The following PRKCI variants were observed in gnomAD, a reference collection of about 807,000 sequenced individuals.
The protein encoded by PRKCI is protein kinase C iota, also known as protein kinase C iota type.
A neutral mutation model predicts 84.0 loss-of-function variants in PRKCI; 43 were observed. That is an observed-to-expected ratio of 0.51 (90% confidence interval 0.40 to 0.66). PRKCI has a LOEUF of 0.66. Among genes scored for constraint, PRKCI ranks in the 30% least tolerant of loss-of-function variants. PRKCI has a pLI of 0.00. For synonymous variants in PRKCI, 216 were observed against 234.4 expected (o/e 0.92, Z 0.72); for missense variants, 459 against 745.6 (o/e 0.62, Z 4.48).
Position 170,280,348 on chromosome 3 carries a change from CAG to C in PRKCI, c.829_830del (p.Asp277SerfsTer14), listed in dbSNP as rs1734211777. The C allele has an allele frequency of 2.5e-6, 4 of 1,613,648 alleles. No homozygotes were observed. Among genetic ancestry groups the C allele is most frequent in the African/African-American group, 1.3e-5 (1 of 74,968 alleles). ...GTACTGTTGGTTCGATTAAAAAAAA[CAG>C]ATCGTATTTATGCAATGAAAGTTGT... On this transcript the variant is annotated frameshift_variant, in exon 9 of 18. Coordinates refer to ENST00000295797, the MANE Select transcript of PRKCI (RefSeq NM_002740.6). LOFTEE classifies it high-confidence loss of function.
rs185423955 is a variant in PRKCI at position 170,232,368 on chromosome 3, T to C, written c.102-2862T>C. Among the ~76,000 whole-genome samples the C allele has an allele frequency of 4.2e-3, 640 of 151,894 alleles. 21 individuals are homozygous for C. Among genetic ancestry groups the C allele is most frequent in the Admixed American group, 0.038 (573 of 15,248 alleles). The stretch of plus-strand genomic sequence containing the variant: ...CCTGGCTGCACTCATTTATTTTCAT[T>C]TATTTTTCATTTTTTGAGTCAGTGT... On this transcript the variant is annotated intron_variant, in intron 1 of 17. Transcript: ENST00000295797.
intron 12 of PRKCI, among the ~76,000 whole-genome samples, chr3:170,286,810 T>TC (rs1413948581): frequency 6.8e-6 from 1 of 148,062 alleles, no homozygotes; most frequent in African/African-American, 2.4e-5. Context: ...ATTTTTACTT[T>TC]CTTTTTTTTT....
intron 2 of PRKCI, among the ~76,000 whole-genome samples, chr3:170,244,478 C>G (rs1478343777): frequency 1.3e-5 from 2 of 152,104 alleles, no homozygotes; most frequent in Non-Finnish European, 2.9e-5. Context: ...TCTGTGTCCC[C>G]CCGTACCTTG....
intron 7 of PRKCI, among the ~76,000 whole-genome samples, chr3:170,274,157 A>T (rs1734060662): frequency 6.6e-6 from 1 of 152,024 alleles, no homozygotes. Flanking sequence ...TTCGAGACAG[A>T]GTCTTGCTCT....
At chr3:170,234,921 C>A (rs1370022950) in intron 1 of PRKCI, among the ~76,000 whole-genome samples, 1 of 151,934 alleles carries the variant, frequency 6.6e-6, no homozygotes, top group East Asian at 1.9e-4. Flanking sequence ...GAAGGATCCT[C>A]CCACCTCAGC....
chr3:170,226,739 C>T (rs1177886183), intron 1 of PRKCI, among the ~76,000 whole-genome samples: 1 of 152,082 alleles, frequency 6.6e-6, no homozygotes, highest in Admixed American at 6.6e-5. Context: ...ATTATTTTAG[C>T]AATATACTTT....
At chr3:170,273,910 T>A (rs1437829798) in intron 7 of PRKCI, among the ~76,000 whole-genome samples, 1 of 150,716 alleles carries the variant, frequency 6.6e-6, no homozygotes, top group Non-Finnish European at 1.5e-5. Context: ...GGCAGAAGGA[T>A]CCCTTGAGCT....
At chr3:170,292,642 G>A (rs1309403492) in intron 13 of PRKCI, among the ~76,000 whole-genome samples, 5 of 151,170 alleles carry the variant, frequency 3.3e-5, no homozygotes, top group Admixed American at 6.6e-5. Flanking sequence ...CCCGGGAGGC[G>A]GAGCTTGCAG....
intron 2 of PRKCI, among the ~76,000 whole-genome samples, chr3:170,256,802 T>C (rs969248619): frequency 7.9e-5 from 12 of 152,188 alleles, no homozygotes; most frequent in African/African-American, 2.9e-4. Context: ...TGGGCACTTA[T>C]TGCTTGCTAT....
intron 1 of PRKCI, among the ~76,000 whole-genome samples, chr3:170,229,106 CAGTT>C (rs1201787424): frequency 7.2e-5 from 11 of 151,986 alleles, no homozygotes; most frequent in Non-Finnish European, 1.3e-4. Flanking sequence ...CCATTGTTAA[CAGTT>C]AGGGATATTC....
chr3:170,298,875 C>A (rs1734752261), intron 16 of PRKCI, 120 bp from the exon 17 acceptor site: 1 of 671,722 alleles, frequency 1.5e-6, no homozygotes, highest in African/African-American at 1.9e-5. Flanking sequence ...TTGCTAATAT[C>A]ATTGAACCAT....
intron 5 of PRKCI, 45 bp downstream of exon 5, chr3:170,268,045 T>C (rs1187931409): frequency 2.0e-6 from 3 of 1,470,876 alleles, no homozygotes; most frequent in Non-Finnish European, 2.8e-6. Flanking sequence ...ACAGCTATTT[T>C]TTCCCTTTCT....
chr3:170,275,250 G>A lies in PRKCI; in HGVS notation c.668G>A (p.Ser223Asn), dbSNP rs1734087109. 2 of 1,577,026 alleles carry A rather than the reference G, an allele frequency of 1.3e-6. No homozygotes were observed. Among genetic ancestry groups the A allele is most frequent in the Admixed American group, 3.6e-5 (2 of 55,050 alleles). ...TTAGTAATTCCATATAATCCTTCAA[G>A]TCATGAGAGTTTGGATCAAGTTGGT... Reference protein sequence around the residue: ...AQTVIPYNPSSHESLDQVGEE... With the variant: ...AQTVIPYNPSNHESLDQVGEE... The change falls in exon 8 of 18, where the codon AGT becomes AAT. Residue 223 changes from serine (S) to asparagine (N), a missense_variant. Physicochemically the swap from Ser to Asn is conservative, Grantham distance 46 (BLOSUM62 1). Around this residue, in one of 2 missense-constraint regions of PRKCI, gnomAD observed 250 missense variants for 319.7 expected, o/e 0.78. Transcript: ENST00000295797.
intron 2 of PRKCI, among the ~76,000 whole-genome samples, chr3:170,242,109 C>G (rs1019985205): frequency 4.6e-5 from 7 of 151,808 alleles, no homozygotes; most frequent in African/African-American, 1.7e-4. Context: ...AACTCCGTCT[C>G]AAAAAAATTT....
chr3:170,259,479 C>T (rs538936559), intron 2 of PRKCI, among the ~76,000 whole-genome samples: 42 of 152,130 alleles, frequency 2.8e-4, no homozygotes, highest in African/African-American at 8.7e-4. Context: ...ATGTTACCTA[C>T]TTCAGAAAAT....
Position 170,295,962 on chromosome 3 carries a change from C to A in PRKCI, c.1469C>A (p.Ala490Glu). The A allele has an allele frequency of 6.4e-7, 1 of 1,565,008 alleles. No homozygotes were observed. Among genetic ancestry groups the A allele is most frequent in the Non-Finnish European group, 8.7e-7 (1 of 1,150,640 alleles). The change falls in exon 15 of 18, where the codon GCA (alanine) becomes GAA (glutamate). Residue 490 changes from alanine (A) to glutamate (E), a missense_variant. Physicochemically the swap from Ala to Glu is moderately radical, Grantham distance 107 (BLOSUM62 -1). Around this residue, in one of 2 missense-constraint regions of PRKCI, gnomAD observed 209 missense variants for 425.9 expected, o/e 0.49. Transcript: ENST00000295797. Reference sequence around the variant, plus strand: ...CCACGTTCTCTGTCTGTAAAAGCTGCAAGTGTTCTGAAGAGTTTTCTTAAT... The same window carrying A: ...CCACGTTCTCTGTCTGTAAAAGCTGAAAGTGTTCTGAAGAGTTTTCTTAAT... ...RIPRSLSVKA[A>E]SVLKSFLNKD...
In PRKCI at chr3:170,268,026, T is replaced by C. The variant is rs527362843; in HGVS notation, c.450+26T>C. ...GTAAACATAGTTTGTTGAATGTCGA[T>C]AATGTGAAACAGCTATTTTTTCCCT... On this transcript the variant is annotated intron_variant, in intron 5 of 17. Transcript: ENST00000295797. The C allele has an allele frequency of 3.2e-6, 5 of 1,564,706 alleles. No individual in the cohort carries two copies. In the East Asian group the frequency reaches 1.1e-4, roughly 35 times the overall value.
chr3:170,294,520 A>T (rs560342245), intron 14 of PRKCI, among the ~76,000 whole-genome samples: 22 of 152,240 alleles, frequency 1.4e-4, no homozygotes, highest in Non-Finnish European at 2.8e-4. Context: ...AAGTTGGGTA[A>T]TACCAGTGCT....
In PRKCI at chr3:170,222,548, G is replaced by A. The variant is rs1321558327; in HGVS notation, c.-122G>A. On this transcript the variant is annotated 5_prime_UTR_variant, in exon 1 of 18. Coordinates refer to ENST00000295797, the MANE Select transcript of PRKCI (RefSeq NM_002740.6). ...CTTGGGTCGGCGCTGCGGGCGAGGTGGGCAGGTAGGTGGGCGGACGGCCGC... is the reference window on the plus strand; with the variant it reads ...CTTGGGTCGGCGCTGCGGGCGAGGTAGGCAGGTAGGTGGGCGGACGGCCGC... The A allele has an allele frequency of 1.3e-5, 11 of 823,744 alleles. No individual in the cohort carries two copies. Among genetic ancestry groups the A allele is most frequent in the Non-Finnish European group, 2.0e-5 (11 of 558,640 alleles). 51.0% of individuals were successfully genotyped at this position (823,744 alleles called of 1,614,324 possible).
Sources: gnomAD v4.1 joint callset for allele counts (sites outside exome capture counted in the v4.1 genomes callset) on GRCh38, gnomAD v4.1.1 for gene constraint, gnomAD v4.1.1 regional missense constraint, MANE v1.5 for transcripts, NCBI Gene and HGNC (gene_info 2026-07-23, HGNC 2026-07-21) for gene names.